Variants in FLI1 observed in about 807,000 individuals in gnomAD.
FLI1 encodes the protein Fli-1 proto-oncogene, ETS transcription factor, also known as Friend leukemia integration 1 transcription factor.
In FLI1, 13 loss-of-function variants were observed where a neutral mutation model predicts 53.1. The observed-to-expected ratio is 0.24, with a 90% CI of 0.16 to 0.39. The LOEUF (loss-of-function observed/expected upper bound fraction) is 0.39. FLI1 is among the 10% of genes least tolerant of loss of function. The pLI, the probability that FLI1 is intolerant of heterozygous loss-of-function variation, is 1.00. For missense variants in FLI1, 424 were observed against 600.5 expected (o/e 0.71, Z 3.07); for synonymous variants, 244 against 236.7 (o/e 1.03, Z -0.28).
intron 5 of FLI1, among the ~76,000 whole-genome samples, chr11:128,783,862 G>A (rs904188461): frequency 1.3e-5 from 2 of 151,932 alleles, no homozygotes; most frequent in Non-Finnish European, 2.9e-5. Context: ...TATTTCATTT[G>A]TGGATAGGGA....
chr11:128,775,002 T>C (rs1033484875), intron 4 of FLI1, among the ~76,000 whole-genome samples: 6 of 152,158 alleles, frequency 3.9e-5, no homozygotes, highest in African/African-American at 1.4e-4. Context: ...GCTTCTTTCT[T>C]TTTAAGAATA....
At chr11:128,730,366 C>T (rs1348969400) in intron 1 of FLI1, among the ~76,000 whole-genome samples, 5 of 152,180 alleles carry the variant, frequency 3.3e-5, no homozygotes, top group Non-Finnish European at 4.4e-5. Flanking sequence ...TCAGTAGCTG[C>T]GCTGCTCATC....
intron 1 of FLI1, among the ~76,000 whole-genome samples, chr11:128,752,651 C>T (rs566925018): frequency 6.6e-6 from 1 of 152,332 alleles, no homozygotes; most frequent in East Asian, 1.9e-4. Flanking sequence ...CACTAACTTT[C>T]TGTGTGCCTG....
intron 5 of FLI1, among the ~76,000 whole-genome samples, chr11:128,798,779 C>T (rs1168716590): frequency 6.6e-6 from 1 of 152,052 alleles, no homozygotes; most frequent in Non-Finnish European, 1.5e-5. Flanking sequence ...TTTAATAGCC[C>T]CTCTAGAATG....
chr11:128,705,671 C>CTGAT (rs955253640), intron 1 of FLI1, among the ~76,000 whole-genome samples: 2 of 152,188 alleles, frequency 1.3e-5, no homozygotes, highest in Non-Finnish European at 2.9e-5. Context: ...TATTTCAAGG[C>CTGAT]TGATTGACTT....
chr11:128,779,153 AAAG>A (rs1176932607), intron 4 of FLI1, among the ~76,000 whole-genome samples: 3 of 152,260 alleles, frequency 2.0e-5, no homozygotes, highest in Admixed American at 6.5e-5. Flanking sequence ...ATGTGTGCCC[AAAG>A]AAGAACTTTC....
At chr11:128,802,278 A>G (rs1942655008) in intron 5 of FLI1, among the ~76,000 whole-genome samples, 1 of 152,164 alleles carries the variant, frequency 6.6e-6, no homozygotes. Context: ...TAAATCTTAC[A>G]TTGACCAGAC....
chr11:128,799,304 C>T (rs1942554960), intron 5 of FLI1, among the ~76,000 whole-genome samples: 1 of 152,070 alleles, frequency 6.6e-6, no homozygotes, highest in Admixed American at 6.5e-5. Context: ...GGCTTCTCTT[C>T]CTTTTCAAGG....
At chr11:128,782,454 G>C (rs1266167810) in intron 5 of FLI1, among the ~76,000 whole-genome samples, 1 of 152,120 alleles carries the variant, frequency 6.6e-6, no homozygotes, top group Non-Finnish European at 1.5e-5. Flanking sequence ...CAGCGCTTTG[G>C]GGGGCCGAAG....
At position 128,811,080 on chromosome 11, in the gene FLI1, G is replaced by T; in HGVS notation, c.*92G>T. On this transcript the variant is annotated 3_prime_UTR_variant, in exon 9 of 9. Transcript: ENST00000527786. ...AACAGGACATATGTGGCCTTGAAGGGAAGACAAAACTGGATGTTCTTTCTT... is the reference window on the plus strand; with the variant it reads ...AACAGGACATATGTGGCCTTGAAGGTAAGACAAAACTGGATGTTCTTTCTT... 1 of 1,212,506 alleles carries T rather than the reference G, an allele frequency of 8.2e-7. No individual in the cohort carries two copies. The highest frequency in any genetic ancestry group is 1.2e-6 in the Non-Finnish European group (1 of 837,544). The allele number at this position is 1,212,506 out of a possible 1,614,324, so 75.1% of individuals were successfully genotyped here.
intron 5 of FLI1, among the ~76,000 whole-genome samples, chr11:128,784,157 G>A (rs1942009189): frequency 6.6e-6 from 1 of 151,264 alleles, no homozygotes; most frequent in Non-Finnish European, 1.5e-5. Flanking sequence ...TCTGATATTG[G>A]GCTTCAGATA....
upstream of FLI1, chr11:128,691,698 T>C (rs1469799368): frequency 6.6e-6 from 1 of 152,364 alleles, no homozygotes; most frequent in Non-Finnish European, 1.5e-5. Context: ...AAGTCTTCAA[T>C]TTAATCTAGT....
intron 1 of FLI1, among the ~76,000 whole-genome samples, chr11:128,750,989 T>A (rs1940618638): frequency 6.6e-6 from 1 of 152,212 alleles, no homozygotes; most frequent in Non-Finnish European, 1.5e-5. Context: ...CCTCCTCTCC[T>A]CATTCACAGG....
At chr11:128,731,605 C>A (rs966357883) in intron 1 of FLI1, among the ~76,000 whole-genome samples, 2 of 152,042 alleles carry the variant, frequency 1.3e-5, no homozygotes, top group Admixed American at 6.5e-5. Context: ...CATGAAAAAT[C>A]ATTTGGCAAA....
At chr11:128,688,984 T>A (rs1378820719), upstream of FLI1, among the ~76,000 whole-genome samples, 1 of 152,174 alleles carries the variant, frequency 6.6e-6, no homozygotes, top group Non-Finnish European at 1.5e-5. Context: ...AGAGCCAAGA[T>A]ACATAGAGTA....
intron 1 of FLI1, among the ~76,000 whole-genome samples, chr11:128,742,919 G>A (rs1041841403): frequency 6.6e-6 from 1 of 152,194 alleles, no homozygotes; most frequent in African/African-American, 2.4e-5. Context: ...AGAAGCAAGA[G>A]GACCACAAGG....
At chr11:128,785,652 T>C (rs929052338) in intron 5 of FLI1, among the ~76,000 whole-genome samples, 3 of 152,232 alleles carry the variant, frequency 2.0e-5, no homozygotes, top group Non-Finnish European at 4.4e-5. Context: ...AACTTTTCTC[T>C]CTTTCCAAAG....
At chr11:128,783,718 G>A (rs503802) in intron 5 of FLI1, among the ~76,000 whole-genome samples, 5 of 152,270 alleles carry the variant, frequency 3.3e-5, no homozygotes, top group African/African-American at 7.2e-5. Context: ...CCTGCAGAAC[G>A]AAAGAGAAGA....
At chr11:128,806,016 G>C (rs570873128) in intron 6 of FLI1, 1 of 152,092 alleles carries the variant, frequency 6.6e-6, no homozygotes, top group African/African-American at 2.4e-5. Flanking sequence ...CCCAGTAAGA[G>C]AATAAGGGGC....
Sources: allele counts gnomAD v4.1 joint callset (sites outside exome capture counted in the v4.1 genomes callset), GRCh38; gene constraint gnomAD v4.1.1; transcripts MANE v1.5; gene names NCBI Gene and HGNC (gene_info 2026-07-23, HGNC 2026-07-21).